COL24A1: variants seen among roughly 807,000 people sequenced by gnomAD.
COL24A1 encodes collagen alpha-1(XXIV) chain.
COL24A1 carries 224 observed loss-of-function variants against 253.9 expected under a neutral mutation model. The observed-to-expected ratio is 0.88, with a 90% CI of 0.79 to 0.99. The LOEUF (loss-of-function observed/expected upper bound fraction) is 0.99. Ranked by LOEUF, COL24A1 falls within the 50% of genes least tolerant of loss-of-function variation. The probability of loss-of-function intolerance (pLI) is 0.00; values close to 1 mark genes in which losing one functional copy is unlikely to be tolerated. For missense variants in COL24A1, 2,131 were observed against 2,068.5 expected, an observed-to-expected ratio of 1.03 and a Z score of -0.59; for synonymous variants, 685 against 673.7, an observed-to-expected ratio of 1.02 and a Z score of -0.26.
At chr1:85,944,317 C>A (rs895615114) in intron 24 of COL24A1, among the ~76,000 whole-genome samples, 1 of 152,090 alleles carries the variant, frequency 6.6e-6, no homozygotes, top group African/African-American at 2.4e-5. Context: ...AACTGATATG[C>A]AACTGTCACT....
intron 32 of COL24A1, among the ~76,000 whole-genome samples, chr1:85,885,397 A>T (rs28849758): frequency 0.6 from 77,539 of 129,100 alleles, 23,400 homozygotes; most frequent in South Asian, 0.79. Context: ...ATATATATAT[A>T]TTTTTTTTTT....
intron 5 of COL24A1, among the ~76,000 whole-genome samples, chr1:86,110,391 G>A (rs1705428791): frequency 1.3e-5 from 2 of 152,126 alleles, no homozygotes; most frequent in South Asian, 2.1e-4. Context: ...CATATTGAGA[G>A]GTGACAACAT....
chr1:85,849,494 A>G, intron 37 of COL24A1, 88 bp from the exon 38 acceptor site: 1 of 995,388 alleles, frequency 1.0e-6, no homozygotes, highest in Admixed American at 2.0e-5. Context: ...TAATCACTGG[A>G]TTGGATTGGA....
intron 47 of COL24A1, among the ~76,000 whole-genome samples, chr1:85,801,465 G>T (rs1479914238): frequency 6.6e-6 from 1 of 152,142 alleles, no homozygotes; most frequent in African/African-American, 2.4e-5. Context: ...TTCCATAAGT[G>T]GTTGGGTTAT....
intron 37 of COL24A1, among the ~76,000 whole-genome samples, chr1:85,862,827 T>TAGAAACA (rs1248032744): frequency 3.9e-5 from 6 of 152,182 alleles, no homozygotes; most frequent in Non-Finnish European, 8.8e-5. Context: ...GAAACTATGT[T>TAGAAACA]AGAAACAAGA....
In COL24A1 at chr1:85,980,368, C is replaced by T. The variant is rs557055206; in HGVS notation, c.2364+7233G>A. On this transcript the variant is annotated intron_variant, in intron 20 of 59. Transcript: ENST00000370571. ...CAGACAAGAGAAAGAAATAAAGAAT[C>T]GGTAAAGAGGAAGTCAAACCATTGC... 1.4e-4 allele frequency among the ~76,000 whole-genome samples: 22 copies of T among 151,846 alleles called. No individual in the cohort carries two copies. The South Asian group carries it at 3.7e-3, about 26-fold the overall frequency.
chr1:85,829,856 C>T lies in COL24A1; in HGVS notation c.3682-6118G>A, dbSNP rs1036004251. On this transcript the variant is annotated intron_variant, in intron 43 of 59. Coordinates refer to ENST00000370571, the MANE Select transcript of COL24A1 (RefSeq NM_152890.7). The stretch of plus-strand genomic sequence containing the variant: ...TTTTTCAAAGTTTTCAACTTCTTTG[C>T]CTTTGGTTTGAATTTCCTCCCATAG... Among the ~76,000 whole-genome samples the T allele has an allele frequency of 1.1e-4, 16 of 152,044 alleles. 1 individual carries two copies. Among genetic ancestry groups the T allele is most frequent in the Admixed American group, 9.2e-4 (14 of 15,234 alleles).
At chr1:85,911,062 A>G (rs558404377) in intron 25 of COL24A1, among the ~76,000 whole-genome samples, 8 of 152,020 alleles carry the variant, frequency 5.3e-5, no homozygotes, top group Middle Eastern at 3.4e-3. Context: ...TTTTTCAAAA[A>G]CTGCTTTCTT....
intron 13 of COL24A1, among the ~76,000 whole-genome samples, chr1:86,033,533 A>T (rs1030239609): frequency 6.6e-5 from 10 of 152,202 alleles, no homozygotes; most frequent in Non-Finnish European, 1.5e-5. Flanking sequence ...GAGTCCAAAG[A>T]GCAATCGCTG....
chr1:85,874,709 A>C lies in COL24A1; in HGVS notation c.3085-7T>G. 3 of 1,612,018 alleles carry C rather than the reference A, an allele frequency of 1.9e-6. No homozygotes were observed. The highest frequency in any genetic ancestry group is 2.5e-6 in the Non-Finnish European group (3 of 1,179,738). ...CAGCAGTTCCAACATCTCCCTGAAG[A>C]AACAAAGGGAAAGATTAAACTCTTT... On this transcript the variant is annotated splice_region_variant and splice_polypyrimidine_tract_variant and intron_variant, in intron 34 of 59. Coordinates refer to ENST00000370571, the MANE Select transcript of COL24A1 (RefSeq NM_152890.7).
In COL24A1 at chr1:85,911,430, G is replaced by A; in HGVS notation, c.2566C>T (p.Pro856Ser). 1 of 1,611,154 alleles carries A rather than the reference G, an allele frequency of 6.2e-7. No individual in the cohort carries two copies. The highest frequency in any genetic ancestry group is 2.2e-5 in the East Asian group (1 of 44,782). ...CCAACTTCTCCAGGTAAGCCAACAG[G>A]TCCCTTTTAGGAAAAAAAAATAACA... is the stretch of plus-strand genomic sequence containing the variant. The part of the protein sequence containing the change: ...GNIGKIGETG[P>S]VGLPGEVGMT... The change falls in exon 25 of 60, where the codon CCT becomes TCT. Residue 856 changes from proline to serine, a missense_variant. Physicochemically the swap from Pro to Ser is moderately conservative, Grantham distance 74. Coordinates refer to ENST00000370571, the MANE Select transcript of COL24A1 (RefSeq NM_152890.7).
chr1:85,895,666 T>C (rs182617452), intron 31 of COL24A1, among the ~76,000 whole-genome samples, 192 bp downstream of exon 31: 2 of 152,112 alleles, frequency 1.3e-5, no homozygotes, highest in African/African-American at 2.4e-5. Flanking sequence ...TAAACAATAG[T>C]TGTATTAGAG....
intron 55 of COL24A1, among the ~76,000 whole-genome samples, chr1:85,756,373 C>T (rs1190664333): frequency 2.6e-5 from 4 of 151,818 alleles, no homozygotes; most frequent in Non-Finnish European, 4.4e-5. Flanking sequence ...GAGCTGAGAT[C>T]GCACCACTGC....
chr1:85,966,826 A>G (rs1691610936), intron 22 of COL24A1, among the ~76,000 whole-genome samples: 1 of 152,158 alleles, frequency 6.6e-6, no homozygotes, highest in Admixed American at 6.6e-5. Flanking sequence ...AGGGAAGAGA[A>G]AAACTGAAAG....
At chr1:86,122,727 A>G (rs1571996963) in intron 3 of COL24A1, among the ~76,000 whole-genome samples, 1 of 151,884 alleles carries the variant, frequency 6.6e-6, no homozygotes, top group Admixed American at 6.6e-5. Context: ...TTCCTACAAA[A>G]TCTCTTGAAT....
intron 45 of COL24A1, among the ~76,000 whole-genome samples, chr1:85,820,457 T>A (rs6576791): frequency 0.36 from 54,787 of 152,020 alleles, 10,683 homozygotes; most frequent in Non-Finnish European, 0.43. Flanking sequence ...TAGCTGCACA[T>A]GCCAGCATAG....
chr1:85,909,330 C>A (rs1344265717), intron 26 of COL24A1, among the ~76,000 whole-genome samples: 1 of 151,726 alleles, frequency 6.6e-6, no homozygotes, highest in Non-Finnish European at 1.5e-5. Context: ...GCCACCAGAT[C>A]CATTACAAGG....
At chr1:86,024,829 A>AAC (rs1369277994) in intron 14 of COL24A1, among the ~76,000 whole-genome samples, 3 of 152,106 alleles carry the variant, frequency 2.0e-5, no homozygotes, top group Non-Finnish European at 4.4e-5. Flanking sequence ...TATCTTAACA[A>AAC]ACACACACAC....
chr1:85,734,155 G>A (rs1312343382), intron 59 of COL24A1, among the ~76,000 whole-genome samples: 9 of 148,792 alleles, frequency 6.0e-5, no homozygotes, highest in Admixed American at 1.3e-4. Context: ...TGACTGCCTC[G>A]GCCTCCCAAA....
Sources: allele counts gnomAD v4.1 joint callset (sites outside exome capture counted in the v4.1 genomes callset), GRCh38; gene constraint gnomAD v4.1.1; transcripts MANE v1.5; gene names NCBI Gene and HGNC (gene_info 2026-07-23, HGNC 2026-07-21).